Variants in CLVS1 observed in about 807,000 individuals in gnomAD.
The protein encoded by CLVS1 is clavesin 1.
CLVS1 carries 10 observed loss-of-function variants against 33.1 expected under a neutral mutation model. The ratio of observed to expected loss-of-function variants is 0.30; its 90% CI spans 0.19 to 0.51. The LOEUF (loss-of-function observed/expected upper bound fraction) is 0.51. Ranked by LOEUF, CLVS1 falls within the 20% of genes least tolerant of loss-of-function variation. The pLI, the probability that CLVS1 is intolerant of heterozygous loss-of-function variation, is 0.97. For missense variants in CLVS1, 343 were observed against 433.4 expected (o/e 0.79, Z 1.85); for synonymous variants, 163 against 166.1 (o/e 0.98, Z 0.14).
At chr8:61,477,551 A>T (rs1290927067) in intron 5 of CLVS1, among the ~76,000 whole-genome samples, 3 of 152,156 alleles carry the variant, frequency 2.0e-5, no homozygotes, top group African/African-American at 7.2e-5. Context: ...CCAGAAATTT[A>T]TCCATTTCTT....
intron 2 of CLVS1, among the ~76,000 whole-genome samples, chr8:61,189,928 A>G (rs1365799999): frequency 6.6e-6 from 1 of 152,192 alleles, no homozygotes; most frequent in African/African-American, 2.4e-5. Context: ...ATAATGGGAG[A>G]CTTTAACACC....
At chr8:61,300,332 T>C (rs761437592) in intron 2 of CLVS1, 50 bp downstream of exon 2, 2 of 1,464,632 alleles carry the variant, frequency 1.4e-6, no homozygotes, top group South Asian at 2.6e-5. Flanking sequence ...ATAAGCATTA[T>C]CACTGCATGT....
intron 1 of CLVS1, among the ~76,000 whole-genome samples, chr8:61,060,746 A>T (rs11993093): frequency 0.029 from 4,438 of 152,256 alleles, 238 homozygotes; most frequent in African/African-American, 0.1. Flanking sequence ...TACTTCTTTC[A>T]AGAAATAAAT....
chr8:61,126,324 G>A (rs1805969575), intron 1 of CLVS1, among the ~76,000 whole-genome samples: 1 of 152,194 alleles, frequency 6.6e-6, no homozygotes, highest in Non-Finnish European at 1.5e-5. Flanking sequence ...AAGCAGACAT[G>A]TACTGAGTGC....
chr8:61,211,637 C>T (rs1160228007), intron 2 of CLVS1, among the ~76,000 whole-genome samples: 2 of 152,226 alleles, frequency 1.3e-5, no homozygotes, highest in Non-Finnish European at 2.9e-5. Context: ...TACAAATCTG[C>T]TTCTTGCTTT....
intron 2 of CLVS1, among the ~76,000 whole-genome samples, chr8:61,146,175 A>C (rs1447757085): frequency 6.6e-6 from 1 of 152,254 alleles, no homozygotes; most frequent in African/African-American, 2.4e-5. Flanking sequence ...ACAGGAAAAA[A>C]AAATTAAATG....
intron 2 of CLVS1, among the ~76,000 whole-genome samples, chr8:61,255,484 G>C (rs1417701928): frequency 6.6e-6 from 1 of 152,216 alleles, no homozygotes; most frequent in Admixed American, 6.5e-5. Flanking sequence ...ATTCTTGTCT[G>C]TATGTGTGTG....
At chr8:61,457,866 G>A (rs561854434) in intron 4 of CLVS1, among the ~76,000 whole-genome samples, 3 of 152,326 alleles carry the variant, frequency 2.0e-5, no homozygotes, top group South Asian at 2.1e-4. Context: ...TCACCAGGGC[G>A]AATTAGGAAG....
chr8:61,097,268 G>C (rs982773703), intron 1 of CLVS1, among the ~76,000 whole-genome samples: 10 of 150,890 alleles, frequency 6.6e-5, no homozygotes, highest in African/African-American at 2.4e-4. Flanking sequence ...CTCCAGCCAG[G>C]GTAACAGAGT....
At chr8:60,982,015 A>G in the CLVS1 span, among the ~76,000 whole-genome samples, 1 of 152,226 alleles carries the variant, frequency 6.6e-6, no homozygotes, top group Admixed American at 6.5e-5. Flanking sequence ...GATGATGCTG[A>G]TTGTGATAAA....
intron 2 of CLVS1, among the ~76,000 whole-genome samples, chr8:61,180,215 T>C (rs1361940019): frequency 6.6e-6 from 1 of 151,858 alleles, no homozygotes; most frequent in Non-Finnish European, 1.5e-5. Flanking sequence ...TAAACACCTC[T>C]ATGCAAATAA....
chr8:60,993,033 T>C, the CLVS1 span, among the ~76,000 whole-genome samples: 29,874 of 152,160 alleles, frequency 0.2, 3,668 homozygotes, highest in African/African-American at 0.34. Context: ...ACTAAAAAGC[T>C]ACCTCCTTAT....
At chr8:61,153,493 G>T (rs930794801) in intron 2 of CLVS1, among the ~76,000 whole-genome samples, 4 of 152,190 alleles carry the variant, frequency 2.6e-5, no homozygotes, top group African/African-American at 9.7e-5. Context: ...CAGGGTCAAT[G>T]GTGTGAAGAA....
intron 2 of CLVS1, among the ~76,000 whole-genome samples, chr8:61,226,096 G>A (rs1808322719): frequency 6.6e-6 from 1 of 152,202 alleles, no homozygotes; most frequent in African/African-American, 2.4e-5. Context: ...TTTCCAGTTT[G>A]AGATGCATGG....
intron 2 of CLVS1, among the ~76,000 whole-genome samples, chr8:61,251,353 G>A (rs1254321197): frequency 6.6e-6 from 1 of 152,130 alleles, no homozygotes; most frequent in African/African-American, 2.4e-5. Flanking sequence ...ATGTTCATCA[G>A]GGATATTGGC....
At chr8:61,418,360 C>T (rs529344935) in intron 3 of CLVS1, among the ~76,000 whole-genome samples, 2 of 152,266 alleles carry the variant, frequency 1.3e-5, no homozygotes, top group South Asian at 2.1e-4. Context: ...TTTGTTATTA[C>T]TTAAATTGCA....
chr8:61,329,735 A>G (rs1811522946), intron 2 of CLVS1, among the ~76,000 whole-genome samples: 1 of 152,238 alleles, frequency 6.6e-6, no homozygotes, highest in African/African-American at 2.4e-5. Context: ...AATATTATTT[A>G]TAGTTGAGTC....
rs562949941 is a variant in CLVS1, at chr8:61,187,596, G to A, written c.-152+55736G>A. On this transcript the variant is annotated intron_variant, in intron 2 of 2. Transcript: ENST00000522621. ...ACAAGTTTGACAGTTTGCCCAGAAG[G>A]CCAGGATTTTGAACCCTGCTTCTCT... is the stretch of plus-strand genomic sequence containing the variant. 1.5e-4 allele frequency among the ~76,000 whole-genome samples: 23 copies of A among 151,856 alleles called. No individual in the cohort carries two copies. The East Asian group carries it at 4.4e-3, about 29-fold the overall frequency.
At chr8:61,425,650 G>A (rs80036089) in intron 3 of CLVS1, among the ~76,000 whole-genome samples, 4,687 of 152,122 alleles carry the variant, frequency 0.031, 99 homozygotes, top group Middle Eastern at 0.068. Flanking sequence ...ATCCCAATTG[G>A]GAAAATTATC....
Sources: gnomAD v4.1 joint callset for allele counts (sites outside exome capture counted in the v4.1 genomes callset) on GRCh38, gnomAD v4.1.1 for gene constraint, MANE v1.5 for transcripts, NCBI Gene and HGNC (gene_info 2026-07-23, HGNC 2026-07-21) for gene names.